CABCOCO1: variants seen among roughly 807,000 people sequenced by gnomAD.
The protein encoded by CABCOCO1 is ciliary associated calcium binding coiled-coil 1.
In CABCOCO1, 28 loss-of-function variants were observed where a neutral mutation model predicts 35.7. The observed-to-expected ratio is 0.78, with a 90% CI of 0.58 to 1.07. CABCOCO1 has a LOEUF of 1.07. Among genes scored for constraint, CABCOCO1 ranks in the 50% least tolerant of loss-of-function variants. The probability of loss-of-function intolerance (pLI) is 0.00; values close to 1 mark genes in which losing one functional copy is unlikely to be tolerated. For missense variants in CABCOCO1, 326 were observed against 309.2 expected, an observed-to-expected ratio of 1.05 and a Z score of -0.41; for synonymous variants, 95 against 100.1, an observed-to-expected ratio of 0.95 and a Z score of 0.30.
intron 3 of CABCOCO1, among the ~76,000 whole-genome samples, chr10:61,684,362 T>G (rs567402153): frequency 6.6e-6 from 1 of 152,340 alleles, no homozygotes; most frequent in Admixed American, 6.5e-5. Context: ...TATAGTGTCT[T>G]CCTAACATTT....
chr10:61,677,778 G>A (rs1839563716), intron 2 of CABCOCO1, among the ~76,000 whole-genome samples: 2 of 143,230 alleles, frequency 1.4e-5, no homozygotes, highest in South Asian at 2.2e-4. Flanking sequence ...TCCCACCTGT[G>A]AGTGAGAACA....
intron 5 of CABCOCO1, among the ~76,000 whole-genome samples, chr10:61,743,983 C>G (rs1331031223): frequency 1.3e-5 from 2 of 152,138 alleles, no homozygotes; most frequent in Admixed American, 6.6e-5. Flanking sequence ...CCCCACCACC[C>G]ACACAATAGA....
rs547796189 is a variant in CABCOCO1 at position 61,729,922 on chromosome 10, G to T, written c.553-30137G>T. Among the ~76,000 whole-genome samples, 5 of 152,182 alleles carry T rather than the reference G, an allele frequency of 3.3e-5. No individual in the cohort carries two copies. The East Asian group carries it at 9.6e-4, about 29-fold the overall frequency. On this transcript the variant is annotated intron_variant, in intron 5 of 7. Coordinates refer to ENST00000648843, the MANE Select transcript of CABCOCO1 (RefSeq NM_001366906.2). ...GTTATCTAAAATAGAGGCCAGCGGGGAGAGGAAAATGGGGAGTTACTGATC... is the reference window on the plus strand; with the variant it reads ...GTTATCTAAAATAGAGGCCAGCGGGTAGAGGAAAATGGGGAGTTACTGATC...
chr10:61,711,200 G>T (rs1219458283), intron 5 of CABCOCO1, among the ~76,000 whole-genome samples: 1 of 151,716 alleles, frequency 6.6e-6, no homozygotes, highest in Non-Finnish European at 1.5e-5. Flanking sequence ...AAAGAAAAAA[G>T]GTAAAGATGA....
chr10:61,758,784 T>C (rs187383602), intron 5 of CABCOCO1, among the ~76,000 whole-genome samples: 2 of 152,072 alleles, frequency 1.3e-5, no homozygotes, highest in Admixed American at 6.6e-5. Flanking sequence ...GGCTTCTATA[T>C]ATTTACACTA....
chr10:61,762,090 A>G (rs1398080459), intron 7 of CABCOCO1, among the ~76,000 whole-genome samples: 1 of 152,094 alleles, frequency 6.6e-6, no homozygotes, highest in Admixed American at 6.6e-5. Flanking sequence ...AGTTCAGAAC[A>G]TATCTCCTTT....
At chr10:61,667,448 A>G (rs1839223330) in intron 1 of CABCOCO1, among the ~76,000 whole-genome samples, 1 of 151,268 alleles carries the variant, frequency 6.6e-6, no homozygotes, top group Non-Finnish European at 1.5e-5. Context: ...GTTATTTTGT[A>G]AAGTTCCAGA....
At chr10:61,700,636 GA>G (rs1291798072) in intron 5 of CABCOCO1, among the ~76,000 whole-genome samples, 1 of 152,034 alleles carries the variant, frequency 6.6e-6, no homozygotes, top group Non-Finnish European at 1.5e-5. Context: ...TTGAGCCAAG[GA>G]TTGTCCTTCA....
intron 5 of CABCOCO1, among the ~76,000 whole-genome samples, chr10:61,739,368 T>C (rs1841494081): frequency 1.3e-5 from 2 of 152,218 alleles, no homozygotes; most frequent in African/African-American, 2.4e-5. Flanking sequence ...ATTTACTAGA[T>C]ATGGAAGTAG....
At chr10:61,743,715 G>T (rs976258835) in intron 5 of CABCOCO1, among the ~76,000 whole-genome samples, 1 of 152,054 alleles carries the variant, frequency 6.6e-6, no homozygotes, top group African/African-American at 2.4e-5. Flanking sequence ...CTGTTCATTT[G>T]TATATGCCAC....
At chr10:61,753,266 T>A (rs915667802) in intron 5 of CABCOCO1, among the ~76,000 whole-genome samples, 7 of 152,124 alleles carry the variant, frequency 4.6e-5, no homozygotes, top group Non-Finnish European at 5.9e-5. Flanking sequence ...ATTAGAATTG[T>A]TTGAAATATT....
intron 7 of CABCOCO1, among the ~76,000 whole-genome samples, chr10:61,761,225 A>T (rs540115240): frequency 6.6e-6 from 1 of 152,090 alleles, no homozygotes; most frequent in East Asian, 1.9e-4. Context: ...GTTATCAGTT[A>T]AAAAAATCAA....
rs111904643 is a variant in CABCOCO1 at position 61,765,078 on chromosome 10, C to T, written c.817-861C>T. 6.5e-3 allele frequency among the ~76,000 whole-genome samples: 984 copies of T among 152,004 alleles called. 9 individuals carry two copies. The highest frequency in any genetic ancestry group is 0.021 in the African/African-American group (876 of 41,442). On this transcript the variant is annotated intron_variant, in intron 7 of 7. Transcript: ENST00000648843. Reference sequence around the variant, plus strand: ...AATAATGTTATAGCTATTAGAAATCCAAACTTTGAATTTATTAACACATAT... The same window carrying T: ...AATAATGTTATAGCTATTAGAAATCTAAACTTTGAATTTATTAACACATAT...
intron 5 of CABCOCO1, among the ~76,000 whole-genome samples, chr10:61,758,459 G>A (rs1328281611): frequency 6.6e-6 from 1 of 152,046 alleles, no homozygotes. Flanking sequence ...GCTCGTGGAA[G>A]TGCATAAGAG....
At chr10:61,663,654 T>G (rs973213457) in intron 1 of CABCOCO1, among the ~76,000 whole-genome samples, 6 of 152,190 alleles carry the variant, frequency 3.9e-5, no homozygotes, top group Non-Finnish European at 7.3e-5. Context: ...AGCTTGACTT[T>G]AGGAAAGTTA....
intron 1 of CABCOCO1, among the ~76,000 whole-genome samples, chr10:61,667,683 G>A (rs11812557): frequency 0.13 from 19,849 of 151,606 alleles, 1,577 homozygotes; most frequent in East Asian, 0.2. Context: ...TTAGCTTCTT[G>A]TATAGGAAAA....
At chr10:61,717,779 G>A (rs1428071331) in intron 5 of CABCOCO1, among the ~76,000 whole-genome samples, 1 of 152,178 alleles carries the variant, frequency 6.6e-6, no homozygotes, top group East Asian at 1.9e-4. Context: ...TGTTGGAAGT[G>A]TTGGGAATTG....
intron 2 of CABCOCO1, among the ~76,000 whole-genome samples, chr10:61,680,466 TAATATATATTTA>T (rs1839691088): frequency 8.7e-5 from 10 of 114,872 alleles, no homozygotes; most frequent in African/African-American, 3.1e-4. Flanking sequence ...ATAACATATA[TAATATATATTTA>T]TATATATAAC....
intron 2 of CABCOCO1, among the ~76,000 whole-genome samples, chr10:61,680,289 C>A (rs779492311): frequency 7.1e-6 from 1 of 141,842 alleles, no homozygotes; most frequent in African/African-American, 2.6e-5. Context: ...TCAGCCTGGC[C>A]GATGAAGCAA....
Sources: allele counts gnomAD v4.1 joint callset (sites outside exome capture counted in the v4.1 genomes callset), GRCh38; gene constraint gnomAD v4.1.1; transcripts MANE v1.5; gene names NCBI Gene and HGNC (gene_info 2026-07-23, HGNC 2026-07-21).